The following CDH18 variants were observed in gnomAD, a reference collection of about 807,000 sequenced individuals.
The protein encoded by CDH18 is cadherin-18.
A neutral mutation model predicts 67.9 loss-of-function variants in CDH18; 31 were observed. The ratio of observed to expected loss-of-function variants is 0.46; its 90% confidence interval spans 0.34 to 0.62. CDH18 has a LOEUF of 0.62. Among genes scored for constraint, CDH18 ranks in the 20% least tolerant of loss-of-function variants. CDH18 has a pLI of 0.01. For synonymous variants in CDH18, 362 were observed against 347.2 expected (o/e 1.04, Z -0.48); for missense variants, 890 against 975.5 (o/e 0.91, Z 1.17).
chr5:20,545,647 C>T (rs1757302131), intron 1 of CDH18, among the ~76,000 whole-genome samples: 1 of 152,202 alleles, frequency 6.6e-6, no homozygotes, highest in Admixed American at 6.5e-5. Context: ...CCCAAGGCTG[C>T]ACAGAGCAGC....
intron 1 of CDH18, among the ~76,000 whole-genome samples, chr5:20,295,559 T>C (rs966322727): frequency 1.3e-5 from 2 of 151,520 alleles, no homozygotes; most frequent in Admixed American, 6.6e-5. Flanking sequence ...AAACCCCGTC[T>C]CTACTAAAAA....
At chr5:19,706,025 C>T (rs530743737) in intron 5 of CDH18, among the ~76,000 whole-genome samples, 26 of 152,076 alleles carry the variant, frequency 1.7e-4, no homozygotes, top group Non-Finnish European at 2.8e-4. Flanking sequence ...GTTTTCCAGA[C>T]GCCCTATACT....
chr5:20,567,910 G>C (rs1581212492), intron 1 of CDH18, among the ~76,000 whole-genome samples: 1 of 152,256 alleles, frequency 6.6e-6, no homozygotes, highest in East Asian at 1.9e-4. Flanking sequence ...TTTAGGACTT[G>C]TTCAGCAAAT....
At position 19,609,761 on chromosome 5, in the gene CDH18, G is replaced by T. The variant is rs140713671; in HGVS notation, c.811+2673C>A. ...TGTCTCAGACAGGTGATGAGAGAAA[G>T]AAGTAGAAAGGGCAACTGTAAAAAC... On this transcript the variant is annotated intron_variant, in intron 6 of 12. Transcript: ENST00000382275. Among the ~76,000 whole-genome samples the T allele has an allele frequency of 1.7e-3, 252 of 152,120 alleles. 1 individual carries two copies. Among genetic ancestry groups the T allele is most frequent in the Non-Finnish European group, 2.7e-3 (186 of 67,920 alleles).
chr5:19,663,949 A>T (rs1453787292), intron 5 of CDH18, among the ~76,000 whole-genome samples: 2 of 151,766 alleles, frequency 1.3e-5, no homozygotes, highest in African/African-American at 4.8e-5. Context: ...AGAGGAAAAA[A>T]GTTTAAATAG....
At chr5:20,242,464 A>T (rs909741648) in intron 2 of CDH18, among the ~76,000 whole-genome samples, 1 of 151,172 alleles carries the variant, frequency 6.6e-6, no homozygotes, top group African/African-American at 2.4e-5. Context: ...CAATGAGATC[A>T]TATGATATTT....
chr5:20,038,756 T>C (rs762857499), intron 2 of CDH18, among the ~76,000 whole-genome samples: 3 of 152,118 alleles, frequency 2.0e-5, no homozygotes, highest in Non-Finnish European at 4.4e-5. Flanking sequence ...GGGCAAAAAC[T>C]GGAAACATTC....
At chr5:20,039,248 T>A (rs1448588627) in intron 2 of CDH18, among the ~76,000 whole-genome samples, 1 of 152,026 alleles carries the variant, frequency 6.6e-6, no homozygotes, top group Non-Finnish European at 1.5e-5. Flanking sequence ...AGAATCAATA[T>A]CATGAAAATA....
chr5:20,041,937 C>T (rs959280387), intron 2 of CDH18, among the ~76,000 whole-genome samples: 1 of 152,096 alleles, frequency 6.6e-6, no homozygotes, highest in Non-Finnish European at 1.5e-5. Flanking sequence ...ATACCATATG[C>T]CTTTACTATT....
At chr5:19,619,405 A>C (rs1253340909) in intron 5 of CDH18, among the ~76,000 whole-genome samples, 2 of 152,172 alleles carry the variant, frequency 1.3e-5, no homozygotes, top group African/African-American at 2.4e-5. Flanking sequence ...ATCACAATGG[A>C]AGCATATGAA....
At chr5:20,033,269 C>T (rs78876146) in intron 2 of CDH18, among the ~76,000 whole-genome samples, 1,742 of 151,940 alleles carry the variant, frequency 0.011, 39 homozygotes, top group African/African-American at 0.04. Flanking sequence ...TCTATAACCT[C>T]TTTTTCATCT....
chr5:20,557,224 GTA>G (rs1326504610), intron 1 of CDH18, among the ~76,000 whole-genome samples: 4 of 151,994 alleles, frequency 2.6e-5, no homozygotes, highest in African/African-American at 9.7e-5. Context: ...TATCAAAATA[GTA>G]TAGAGTTCAG....
intron 1 of CDH18, among the ~76,000 whole-genome samples, chr5:20,358,775 A>AT: frequency 6.6e-6 from 1 of 152,246 alleles, no homozygotes; most frequent in Non-Finnish European, 1.5e-5. Flanking sequence ...GTCCCAATAT[A>AT]TTTTTAAGTA....
intron 4 of CDH18, among the ~76,000 whole-genome samples, chr5:19,730,047 T>C (rs1210320163): frequency 3.3e-5 from 5 of 152,022 alleles, no homozygotes; most frequent in Non-Finnish European, 5.9e-5. Flanking sequence ...CTTTGGATGA[T>C]GTCTCTGGCT....
intron 2 of CDH18, among the ~76,000 whole-genome samples, chr5:19,940,024 A>T (rs13180253): frequency 0.6 from 91,252 of 151,528 alleles, 27,858 homozygotes; most frequent in East Asian, 0.71. Context: ...GTGCAAGAAA[A>T]GCTGAATGTT....
intron 2 of CDH18, among the ~76,000 whole-genome samples, chr5:20,182,134 G>A (rs1211850804): frequency 4.6e-5 from 7 of 151,946 alleles, no homozygotes; most frequent in African/African-American, 1.2e-4. Context: ...TCCAAATACT[G>A]TCTTATGTTA....
chr5:20,396,154 G>T (rs530835061), intron 1 of CDH18, among the ~76,000 whole-genome samples: 1 of 152,240 alleles, frequency 6.6e-6, no homozygotes, highest in South Asian at 2.1e-4. Flanking sequence ...CACAACCTGG[G>T]ACTTGTGATT....
At chr5:19,893,650 G>C (rs1789001072) in intron 2 of CDH18, among the ~76,000 whole-genome samples, 2 of 113,028 alleles carry the variant, frequency 1.8e-5, no homozygotes, top group Admixed American at 9.4e-5. Flanking sequence ...GAATATTAGG[G>C]AGGGCACAAC....
chr5:19,908,915 T>A (rs1790822725), intron 2 of CDH18, among the ~76,000 whole-genome samples: 1 of 152,182 alleles, frequency 6.6e-6, no homozygotes, highest in African/African-American at 2.4e-5. Context: ...AAGATGTGGA[T>A]CAGTGCAGTG....
Sources: allele counts gnomAD v4.1 joint callset (sites outside exome capture counted in the v4.1 genomes callset), GRCh38; gene constraint gnomAD v4.1.1; transcripts MANE v1.5; gene names NCBI Gene and HGNC (gene_info 2026-07-23, HGNC 2026-07-21).